Variants in ENOX1 observed in about 807,000 individuals in gnomAD.
The protein encoded by ENOX1 is ecto-NOX disulfide-thiol exchanger 1.
In ENOX1, 42 loss-of-function variants were observed where a neutral mutation model predicts 82.5. The ratio of observed to expected loss-of-function variants is 0.51; its 90% CI spans 0.40 to 0.66. The LOEUF (loss-of-function observed/expected upper bound fraction) is 0.66, where lower values mean the gene tolerates loss of function less well. ENOX1 is among the 30% of genes least tolerant of loss of function. The pLI is 0.00. For missense variants in ENOX1, 608 were observed against 811.6 expected (o/e 0.75, Z 3.05); for synonymous variants, 271 against 282.2 (o/e 0.96, Z 0.40).
intron 2 of ENOX1, among the ~76,000 whole-genome samples, chr13:43,487,648 T>A (rs898501412): frequency 3.3e-4 from 51 of 152,280 alleles, no homozygotes; most frequent in African/African-American, 1.2e-3. Flanking sequence ...ATTATAAACT[T>A]AGCCTTAAAT....
chr13:43,695,650 G>T (rs1208164113), intron 1 of ENOX1, among the ~76,000 whole-genome samples: 1 of 152,074 alleles, frequency 6.6e-6, no homozygotes, highest in Non-Finnish European at 1.5e-5. Flanking sequence ...GTTTCGCCAT[G>T]TTGGCCAGGC....
At position 43,236,727 on chromosome 13, in the gene ENOX1, C is replaced by A; in HGVS notation, c.1623G>T (p.Val541=). ...HSHEDSNEIN[V]LTVALVNQDR... Reference sequence around the variant, plus strand: ...CTTGGTTGACTAATGCAACTGTCAACACATTGATTTCCTATAAAGTTAAAA... The same window carrying A: ...CTTGGTTGACTAATGCAACTGTCAAAACATTGATTTCCTATAAAGTTAAAA... The change falls in exon 15 of 17, where the codon GTG becomes GTT. Residue 541 remains valine, a synonymous_variant. Coordinates refer to ENST00000690772, the MANE Select transcript of ENOX1 (RefSeq NM_001347969.2). 1 of 1,574,468 alleles carries A rather than the reference C, an allele frequency of 6.4e-7. No individual in the cohort carries two copies.
At chr13:43,391,054 C>A (rs1038895591) in intron 5 of ENOX1, among the ~76,000 whole-genome samples, 7 of 152,178 alleles carry the variant, frequency 4.6e-5, no homozygotes, top group African/African-American at 1.7e-4. Flanking sequence ...AACCCACTGA[C>A]CTGACTTCTA....
intron 1 of ENOX1, among the ~76,000 whole-genome samples, chr13:43,780,195 C>T (rs1952184365): frequency 6.6e-6 from 1 of 151,662 alleles, no homozygotes; most frequent in Non-Finnish European, 1.5e-5. Flanking sequence ...TCTGTATGAT[C>T]CCCAAAGCCA....
chr13:43,325,500 T>C (rs1283415175), intron 10 of ENOX1, among the ~76,000 whole-genome samples: 1 of 152,186 alleles, frequency 6.6e-6, no homozygotes, highest in Non-Finnish European at 1.5e-5. Flanking sequence ...ACCCAAATGA[T>C]TGATATCATA....
At chr13:43,444,407 G>A (rs1185637830) in intron 3 of ENOX1, among the ~76,000 whole-genome samples, 2 of 152,150 alleles carry the variant, frequency 1.3e-5, no homozygotes, top group African/African-American at 2.4e-5. Context: ...TTTCACAGAC[G>A]GCAAAGGAAG....
chr13:43,556,613 A>G (rs1025939274), intron 2 of ENOX1, among the ~76,000 whole-genome samples: 6 of 152,092 alleles, frequency 3.9e-5, no homozygotes, highest in African/African-American at 1.2e-4. Flanking sequence ...TGAAACATTC[A>G]TTCATGATTA....
intron 1 of ENOX1, among the ~76,000 whole-genome samples, chr13:43,699,317 G>C (rs1210419037): frequency 6.6e-6 from 1 of 152,112 alleles, no homozygotes; most frequent in Admixed American, 6.6e-5. Flanking sequence ...GCTCTACAGA[G>C]GAACACACAA....
At chr13:43,711,955 G>C (rs1393283647) in intron 1 of ENOX1, among the ~76,000 whole-genome samples, 2 of 144,628 alleles carry the variant, frequency 1.4e-5, no homozygotes, top group Non-Finnish European at 3.1e-5. Flanking sequence ...TTTGGCTTTT[G>C]TTGCCATTGC....
intron 8 of ENOX1, among the ~76,000 whole-genome samples, chr13:43,352,421 C>T (rs945285300): frequency 6.6e-6 from 1 of 152,246 alleles, no homozygotes; most frequent in Non-Finnish European, 1.5e-5. Context: ...TCTAATCAAT[C>T]TCTTCCTCCC....
chr13:43,431,634 A>G (rs2055670182), intron 3 of ENOX1, among the ~76,000 whole-genome samples: 1 of 152,226 alleles, frequency 6.6e-6, no homozygotes, highest in Non-Finnish European at 1.5e-5. Context: ...TAGTAGACAC[A>G]CACCCTTCCC....
chr13:43,351,985 A>G (rs1430961257), intron 8 of ENOX1, among the ~76,000 whole-genome samples: 3 of 152,204 alleles, frequency 2.0e-5, no homozygotes, highest in Non-Finnish European at 4.4e-5. Context: ...CCCTTACTCT[A>G]TGAAGGAAGC....
intron 3 of ENOX1, among the ~76,000 whole-genome samples, chr13:43,479,160 G>A (rs1381765646): frequency 1.3e-5 from 2 of 152,098 alleles, no homozygotes; most frequent in Non-Finnish European, 1.5e-5. Flanking sequence ...GTGTTGAGGG[G>A]GATGGCAGGA....
At chr13:43,759,751 A>C (rs1950860003) in intron 1 of ENOX1, among the ~76,000 whole-genome samples, 1 of 151,882 alleles carries the variant, frequency 6.6e-6, no homozygotes, top group African/African-American at 2.4e-5. Flanking sequence ...TACAGGCAAC[A>C]GTTAAAGATA....
At chr13:43,679,207 A>G (rs1219246857) in intron 1 of ENOX1, among the ~76,000 whole-genome samples, 1 of 152,178 alleles carries the variant, frequency 6.6e-6, no homozygotes, top group Admixed American at 6.5e-5. Context: ...TAATTCCTTG[A>G]GGGTTTTTTA....
At chr13:43,391,890 A>G (rs952260845) in intron 5 of ENOX1, among the ~76,000 whole-genome samples, 4 of 152,136 alleles carry the variant, frequency 2.6e-5, no homozygotes, top group African/African-American at 7.2e-5. Flanking sequence ...CCTTCAATCA[A>G]TTAATTTTAG....
chr13:43,226,696 G>A (rs984384296), intron 15 of ENOX1, among the ~76,000 whole-genome samples: 2 of 152,192 alleles, frequency 1.3e-5, no homozygotes, highest in Non-Finnish European at 2.9e-5. Context: ...AGGGGAGGGA[G>A]AAGGAAGAGT....
intron 1 of ENOX1, among the ~76,000 whole-genome samples, chr13:43,753,632 T>C (rs1950436261): frequency 6.6e-6 from 1 of 152,192 alleles, no homozygotes; most frequent in Non-Finnish European, 1.5e-5. Flanking sequence ...GAAACACATT[T>C]GCTCAGGAGA....
intron 1 of ENOX1, among the ~76,000 whole-genome samples, chr13:43,749,548 C>T (rs959573951): frequency 2.0e-5 from 3 of 152,236 alleles, no homozygotes; most frequent in Non-Finnish European, 4.4e-5. Context: ...ACAACATCAG[C>T]ATCAAGTAGC....
Sources: gnomAD v4.1 joint callset for allele counts (sites outside exome capture counted in the v4.1 genomes callset) on GRCh38, gnomAD v4.1.1 for gene constraint, MANE v1.5 for transcripts, NCBI Gene and HGNC (gene_info 2026-07-23, HGNC 2026-07-21) for gene names.